The following SCD5 variants were observed in gnomAD, a reference collection of about 807,000 sequenced individuals.
SCD5 encodes acyl-CoA-desaturase 4.
Under a neutral mutation model 30.4 loss-of-function variants are expected in SCD5, and 20 were observed. That is an observed-to-expected ratio of 0.66 (90% CI 0.46 to 0.96). SCD5 has a LOEUF of 0.96. Among genes scored for constraint, SCD5 ranks in the 40% least tolerant of loss-of-function variants. SCD5 has a pLI of 0.00. For missense variants in SCD5, 381 were observed against 443.3 expected (o/e 0.86, Z 1.26); for synonymous variants, 173 against 176.4 (o/e 0.98, Z 0.16).
At chr4:82,743,579 C>A (rs1367658056) in intron 1 of SCD5, among the ~76,000 whole-genome samples, 3 of 151,964 alleles carry the variant, frequency 2.0e-5, no homozygotes, top group African/African-American at 7.3e-5. Flanking sequence ...GGAGTGCAGT[C>A]GTGCAATCAC....
At chr4:82,719,658 C>T (rs1004487316) in intron 1 of SCD5, among the ~76,000 whole-genome samples, 4 of 151,496 alleles carry the variant, frequency 2.6e-5, no homozygotes, top group Non-Finnish European at 2.9e-5. Flanking sequence ...GGCCCGCTAC[C>T]ACGCCCAGCT....
intron 1 of SCD5, 22 bp downstream of exon 1, chr4:82,798,284 A>C (rs1560566805): frequency 6.5e-7 from 1 of 1,549,622 alleles, no homozygotes; most frequent in Admixed American, 1.9e-5. Context: ...GCCGGGGCGC[A>C]GGGGGCGCCG....
At chr4:82,655,610 T>C (rs1203324461) in intron 3 of SCD5, among the ~76,000 whole-genome samples, 1 of 152,150 alleles carries the variant, frequency 6.6e-6, no homozygotes, top group African/African-American at 2.4e-5. Context: ...TGCAGGGGGC[T>C]CATGGCACAG....
At chr4:82,770,606 A>G (rs1248930263) in intron 1 of SCD5, among the ~76,000 whole-genome samples, 1 of 152,254 alleles carries the variant, frequency 6.6e-6, no homozygotes, top group East Asian at 1.9e-4. Flanking sequence ...ATAAGAAATA[A>G]TAAGTATGGG....
chr4:82,709,501 TG>T (rs1351690503), intron 1 of SCD5, among the ~76,000 whole-genome samples: 1 of 152,170 alleles, frequency 6.6e-6, no homozygotes, highest in East Asian at 1.9e-4. Flanking sequence ...TAATTTAGTT[TG>T]GGGGGCCAAA....
At chr4:82,634,493 C>CT (rs78005706) in intron 4 of SCD5, among the ~76,000 whole-genome samples, 56,634 of 151,918 alleles carry the variant, frequency 0.37, 11,260 homozygotes, top group South Asian at 0.53. Flanking sequence ...CCTCCCCCCC[C>CT]CATCATTTTT....
chr4:82,743,991 A>C (rs115497555), intron 1 of SCD5, among the ~76,000 whole-genome samples: 1 of 151,806 alleles, frequency 6.6e-6, no homozygotes, highest in Admixed American at 6.6e-5. Context: ...ACACCTGGAT[A>C]ATTTTTCTAT....
Position 82,686,371 on chromosome 4 carries a change from A to G in SCD5, c.364-5459T>C, listed in dbSNP as rs146594614. Among the ~76,000 whole-genome samples the G allele has an allele frequency of 2.1e-4, 32 of 152,314 alleles. No homozygotes were observed. The East Asian group carries it at 5.2e-3, about 25-fold the overall frequency. Reference sequence around the variant, plus strand: ...AAAAGTTTGAAGAATTAAGAATTCAATGCTGCCTACTGGTGAGAATGTGAA... The same window carrying G: ...AAAAGTTTGAAGAATTAAGAATTCAGTGCTGCCTACTGGTGAGAATGTGAA... On this transcript the variant is annotated intron_variant, in intron 2 of 4. Transcript: ENST00000319540.
chr4:82,766,754 A>G (rs1462619511), intron 1 of SCD5, among the ~76,000 whole-genome samples: 1 of 152,156 alleles, frequency 6.6e-6, no homozygotes, highest in African/African-American at 2.4e-5. Flanking sequence ...GTTACTTGGA[A>G]ATAGTTTGAT....
intron 1 of SCD5, among the ~76,000 whole-genome samples, chr4:82,723,602 T>C (rs193218602): frequency 1.0e-3 from 152 of 152,350 alleles, no homozygotes; most frequent in African/African-American, 3.4e-3. Context: ...TAAAAAACTT[T>C]AAAGTGGAAC....
At chr4:82,737,575 A>G (rs1402990155) in intron 1 of SCD5, among the ~76,000 whole-genome samples, 1 of 152,220 alleles carries the variant, frequency 6.6e-6, no homozygotes, top group Non-Finnish European at 1.5e-5. Context: ...TCCTGAAGAC[A>G]GCCTGATTTT....
At chr4:82,702,575 G>C (rs1719875448) in intron 2 of SCD5, among the ~76,000 whole-genome samples, 2 of 152,264 alleles carry the variant, frequency 1.3e-5, no homozygotes, top group African/African-American at 4.8e-5. Flanking sequence ...TAAGAATACT[G>C]TTCTTAATGC....
chr4:82,661,170 A>G (rs1182684318), intron 3 of SCD5: 10 of 1,114,700 alleles, frequency 9.0e-6, no homozygotes, highest in African/African-American at 1.5e-5. Flanking sequence ...AATTGTGTCA[A>G]TAACAAAACC....
chr4:82,796,933 G>A (rs1722236679), intron 1 of SCD5, among the ~76,000 whole-genome samples: 1 of 152,196 alleles, frequency 6.6e-6, no homozygotes, highest in Admixed American at 6.5e-5. Context: ...AAGGAAAGAT[G>A]AAGCAGGAGA....
At chr4:82,685,691 G>T (rs1728688137) in intron 2 of SCD5, among the ~76,000 whole-genome samples, 1 of 149,126 alleles carries the variant, frequency 6.7e-6, no homozygotes. Flanking sequence ...CAGCCTGGGT[G>T]ACAGAGCAAG....
chr4:82,635,841 G>A (rs1577998839), intron 4 of SCD5, among the ~76,000 whole-genome samples: 1 of 152,128 alleles, frequency 6.6e-6, no homozygotes, highest in Non-Finnish European at 1.5e-5. Context: ...TGACTCCAGA[G>A]GCCTCACTCT....
At chr4:82,680,657 C>T (rs779596086) in intron 3 of SCD5, 50 bp downstream of exon 3, 2 of 1,561,530 alleles carry the variant, frequency 1.3e-6, no homozygotes, top group Non-Finnish European at 1.8e-6. Context: ...TGTGCTGTTT[C>T]TATGTCCTGG....
intron 3 of SCD5, among the ~76,000 whole-genome samples, chr4:82,665,076 ATTT>A (rs59529272): frequency 0.47 from 35,197 of 74,716 alleles, 5,232 homozygotes; most frequent in African/African-American, 0.52. Flanking sequence ...ATATATATAT[ATTT>A]TTTTTTTAAT....
chr4:82,782,371 T>A (rs1721890894), intron 1 of SCD5, among the ~76,000 whole-genome samples: 2 of 152,150 alleles, frequency 1.3e-5, no homozygotes, highest in African/African-American at 2.4e-5. Context: ...TACAGTGGAA[T>A]GACAGCATCA....
Sources: allele counts gnomAD v4.1 joint callset (sites outside exome capture counted in the v4.1 genomes callset), GRCh38; gene constraint gnomAD v4.1.1; transcripts MANE v1.5; gene names NCBI Gene and HGNC (gene_info 2026-07-23, HGNC 2026-07-21).